The following CINP variants were observed in gnomAD, a reference collection of about 807,000 sequenced individuals.
CINP encodes the protein cyclin dependent kinase 2 interacting protein.
In CINP, 11 loss-of-function variants were observed where a neutral mutation model predicts 20.5. The ratio of observed to expected loss-of-function variants is 0.54; its 90% CI spans 0.34 to 0.89. The LOEUF (loss-of-function observed/expected upper bound fraction) is 0.89. CINP is among the 40% of genes least tolerant of loss of function. The pLI is 0.02. For synonymous variants in CINP, 108 were observed against 102.1 expected, an observed-to-expected ratio of 1.06 and a Z score of -0.35; for missense variants, 213 against 251.0, an observed-to-expected ratio of 0.85 and a Z score of 1.02.
At chr14:102,352,253 C>T (rs897884893) in intron 3 of CINP, among the ~76,000 whole-genome samples, 3 of 152,158 alleles carry the variant, frequency 2.0e-5, no homozygotes, top group Non-Finnish European at 4.4e-5. Flanking sequence ...CCTGGTGCCA[C>T]CTGATTCTAA....
intron 2 of CINP, among the ~76,000 whole-genome samples, chr14:102,359,060 G>T (rs1887064463): frequency 6.6e-6 from 1 of 151,780 alleles, no homozygotes. Context: ...AATTATCTGG[G>T]TGTGGTGACG....
At chr14:102,360,523 T>C (rs1887116957) in intron 1 of CINP, among the ~76,000 whole-genome samples, 1 of 152,226 alleles carries the variant, frequency 6.6e-6, no homozygotes, top group African/African-American at 2.4e-5. Flanking sequence ...AAGACCACAC[T>C]GCCTGCGTCT....
chr14:102,362,871 A>G lies in CINP; in HGVS notation c.-20T>C, dbSNP rs1411821822. ...TTCCATAAGGTCCACAGATATCCGT[A>G]GAAGGAGACGCGAAGCCCCGCCCAC... On this transcript the variant is annotated 5_prime_UTR_variant, in exon 1 of 5. Coordinates refer to ENST00000216756, the MANE Select transcript of CINP (RefSeq NM_032630.3). The G allele has an allele frequency of 1.2e-6, 2 of 1,613,798 alleles. No homozygotes were observed. Among genetic ancestry groups the G allele is most frequent in the Non-Finnish European group, 8.5e-7 (1 of 1,179,860 alleles).
chr14:102,350,809 T>TC (rs1491252885), intron 3 of CINP, among the ~76,000 whole-genome samples: 59 of 72,824 alleles, frequency 8.1e-4, no homozygotes, highest in East Asian at 6.9e-3. Flanking sequence ...TCTCTCTCTC[T>TC]TTTTTTTTTT....
chr14:102,359,367 C>T, intron 2 of CINP, 52 bp downstream of exon 2: 2 of 1,323,360 alleles, frequency 1.5e-6, no homozygotes, highest in Non-Finnish European at 2.1e-6. Flanking sequence ...CATTATTTCC[C>T]CAGTTATTAA....
At chr14:102,352,377 G>A (rs993916545) in intron 3 of CINP, 7 of 375,684 alleles carry the variant, frequency 1.9e-5, no homozygotes, top group African/African-American at 1.3e-4. Context: ...ACATAGGCAC[G>A]TGCAGCCCTG....
rs1185912254 is a variant in CINP at position 102,351,155 on chromosome 14, G to T, written c.307-1107C>A. On this transcript the variant is annotated intron_variant, in intron 3 of 4. Transcript: ENST00000216756. This position sits in a 1 kb window ranked among gnomAD's most constrained non-coding sequence, Gnocchi z 4.2. ...TCTCTTATTAACTGCCTTTATTTAC[G>T]GAAACCTCCTTGACTTCCTTGTTTA... Among the ~76,000 whole-genome samples the T allele has an allele frequency of 6.6e-6, 1 of 152,146 alleles. No individual in the cohort carries two copies. Among genetic ancestry groups the T allele is most frequent in the South Asian group, 2.1e-4 (1 of 4,814 alleles).
chr14:102,362,449 C>A, intron 1 of CINP: 1 of 676,530 alleles, frequency 1.5e-6, no homozygotes, highest in Non-Finnish European at 2.7e-6. Flanking sequence ...CGAAAGCCAG[C>A]TTTCATTACA....
rs1886789315 is a variant in CINP at position 102,348,391 on chromosome 14, G to T, written c.*166C>A. The stretch of plus-strand genomic sequence containing the variant: ...CACGTGGGGCTGGCCGCGGGTTGTG[G>T]GCATGAGCACGCCTGGAGAGGCCAT... On this transcript the variant is annotated 3_prime_UTR_variant, in exon 5 of 5. Coordinates refer to ENST00000216756, the MANE Select transcript of CINP (RefSeq NM_032630.3). The T allele has an allele frequency of 1.6e-6, 1 of 632,858 alleles. No homozygotes were observed. The highest frequency in any genetic ancestry group is 2.7e-6 in the Non-Finnish European group (1 of 368,892). 39.2% of individuals were successfully genotyped at this position (632,858 alleles called of 1,614,324 possible).
chr14:102,361,448 G>A (rs142892788), intron 1 of CINP, among the ~76,000 whole-genome samples: 1 of 152,092 alleles, frequency 6.6e-6, no homozygotes, highest in Non-Finnish European at 1.5e-5. Context: ...GACCATCCTG[G>A]CTAACACAGT....
chr14:102,354,995 G>A (rs1054195057), intron 3 of CINP, among the ~76,000 whole-genome samples: 10 of 151,882 alleles, frequency 6.6e-5, no homozygotes, highest in Middle Eastern at 3.4e-3. Flanking sequence ...CTTGTACCTG[G>A]GAGGCGGAGT....
At position 102,348,286 on chromosome 14, in the gene CINP, G is replaced by A. The variant is rs3179846; in HGVS notation, c.*271C>T. The A allele has an allele frequency of 4.1e-6, 2 of 493,780 alleles. No individual in the cohort carries two copies. The highest frequency in any genetic ancestry group is 7.3e-6 in the Non-Finnish European group (2 of 273,838). 30.6% of individuals were successfully genotyped at this position (493,780 alleles called of 1,614,324 possible). On this transcript the variant is annotated 3_prime_UTR_variant, in exon 5 of 5. Transcript: ENST00000216756. ...AGAAACTAGATCACTCACTCATTCTGCTCAGAAACTCATTGATTTTACTCT... is the reference window on the plus strand; with the variant it reads ...AGAAACTAGATCACTCACTCATTCTACTCAGAAACTCATTGATTTTACTCT...
chr14:102,360,273 C>T (rs1887109992), intron 1 of CINP, among the ~76,000 whole-genome samples: 1 of 152,120 alleles, frequency 6.6e-6, no homozygotes, highest in Admixed American at 6.5e-5. Context: ...AGGAAAGCTC[C>T]TTCCTTCCTC....
chr14:102,361,761 A>G (rs1887167788), intron 1 of CINP, among the ~76,000 whole-genome samples: 1 of 152,256 alleles, frequency 6.6e-6, no homozygotes, highest in Non-Finnish European at 1.5e-5. Context: ...CAAAATTGCC[A>G]TTACTTTTGC....
chr14:102,352,847 C>T (rs1033118310), intron 3 of CINP, among the ~76,000 whole-genome samples: 3 of 151,854 alleles, frequency 2.0e-5, no homozygotes, highest in African/African-American at 7.3e-5. Context: ...TGGGGTTTCA[C>T]TATGTTGGCC....
chr14:102,350,460 C>T (rs1404206160), intron 3 of CINP, among the ~76,000 whole-genome samples: 2 of 151,664 alleles, frequency 1.3e-5, no homozygotes, highest in South Asian at 2.1e-4. Context: ...CAGCCTCAAC[C>T]GCTGGCACCT....
chr14:102,352,141 C>T (rs1436892239), intron 3 of CINP, among the ~76,000 whole-genome samples: 1 of 152,204 alleles, frequency 6.6e-6, no homozygotes, highest in Admixed American at 6.5e-5. Flanking sequence ...CCACCTCAGC[C>T]TCCCAAAGTG....
chr14:102,352,524 G>C (rs1213283439), intron 3 of CINP: 1 of 455,910 alleles, frequency 2.2e-6, no homozygotes. Flanking sequence ...TCAAAGTTAT[G>C]AAAGACACAG....
intron 2 of CINP, among the ~76,000 whole-genome samples, chr14:102,356,154 C>G (rs906589085): frequency 6.6e-6 from 1 of 152,110 alleles, no homozygotes; most frequent in Non-Finnish European, 1.5e-5. Context: ...GTGGCTCATG[C>G]CTGTAATCCC....
Sources: gnomAD v4.1 joint callset for allele counts (sites outside exome capture counted in the v4.1 genomes callset) on GRCh38, gnomAD v4.1.1 for gene constraint, Gnocchi (gnomAD v3.1) non-coding constraint, MANE v1.5 for transcripts, NCBI Gene and HGNC (gene_info 2026-07-23, HGNC 2026-07-21) for gene names.